The following CAMKMT variants were observed in gnomAD, a reference collection of about 807,000 sequenced individuals.
CAMKMT encodes CaM KMT.
A neutral mutation model predicts 48.0 loss-of-function variants in CAMKMT; 53 were observed. The ratio of observed to expected loss-of-function variants is 1.10; its 90% CI spans 0.89 to 1.39. The LOEUF (loss-of-function observed/expected upper bound fraction) is 1.39, where lower values mean the gene tolerates loss of function less well. Ranked by LOEUF, CAMKMT falls within the 40% of genes most tolerant of loss-of-function variation. The pLI is 0.00. For missense variants in CAMKMT, 428 were observed against 402.7 expected (o/e 1.06, Z -0.54); for synonymous variants, 165 against 152.3 (o/e 1.08, Z -0.61).
chr2:44,554,204 G>C (rs1472689783), intron 3 of CAMKMT, among the ~76,000 whole-genome samples: 2 of 152,162 alleles, frequency 1.3e-5, no homozygotes, highest in African/African-American at 4.8e-5. Context: ...TTATACCTTT[G>C]AGAAGCTGAC....
intron 3 of CAMKMT, among the ~76,000 whole-genome samples, chr2:44,665,640 T>C (rs945888000): frequency 3.9e-5 from 6 of 152,194 alleles, no homozygotes; most frequent in African/African-American, 1.2e-4. Context: ...TACTGTGATT[T>C]GGGTACATTT....
At chr2:44,569,651 T>G (rs1438706498) in intron 3 of CAMKMT, among the ~76,000 whole-genome samples, 1 of 152,218 alleles carries the variant, frequency 6.6e-6, no homozygotes, top group Admixed American at 6.5e-5. Context: ...GCATGATAGA[T>G]GGAAGTTAGA....
intron 2 of CAMKMT, among the ~76,000 whole-genome samples, chr2:44,377,770 T>G (rs1362487561): frequency 6.6e-6 from 1 of 152,206 alleles, no homozygotes; most frequent in African/African-American, 2.4e-5. Context: ...AAGTCAAGAA[T>G]GACTTTGTCT....
At chr2:44,368,157 C>T (rs1049588477) in intron 1 of CAMKMT, among the ~76,000 whole-genome samples, 2 of 152,132 alleles carry the variant, frequency 1.3e-5, no homozygotes, top group Non-Finnish European at 2.9e-5. Flanking sequence ...CTAAATAGCT[C>T]ATTGACTTAC....
chr2:44,577,966 A>G (rs1669326459), intron 3 of CAMKMT, among the ~76,000 whole-genome samples: 1 of 152,136 alleles, frequency 6.6e-6, no homozygotes, highest in Non-Finnish European at 1.5e-5. Flanking sequence ...CTTCATCCAA[A>G]AAGTATAAAA....
At chr2:44,537,088 A>G (rs1666817314) in intron 3 of CAMKMT, among the ~76,000 whole-genome samples, 1 of 152,230 alleles carries the variant, frequency 6.6e-6, no homozygotes, top group African/African-American at 2.4e-5. Flanking sequence ...GAAACAGTTT[A>G]GGACACTGGT....
intron 3 of CAMKMT, among the ~76,000 whole-genome samples, chr2:44,527,294 ATATACATATATTATTATATAT>A (rs1666179624): frequency 6.9e-6 from 1 of 144,232 alleles, no homozygotes; most frequent in East Asian, 2.0e-4. Flanking sequence ...TATATATATA[ATATACATATATTATTATATAT>A]TATACATATA....
chr2:44,375,264 TCC>T (rs1679568209), intron 2 of CAMKMT, among the ~76,000 whole-genome samples: 2 of 151,780 alleles, frequency 1.3e-5, no homozygotes, highest in Non-Finnish European at 2.9e-5. Flanking sequence ...ACTCTCATCT[TCC>T]TCTATATTTT....
In CAMKMT at chr2:44,584,169, C is replaced by G. The variant is rs550778158; in HGVS notation, c.377-120114C>G. On this transcript the variant is annotated intron_variant, in intron 3 of 10. Transcript: ENST00000378494. ...TCAGCCTGATGTTTCTGAGATCCAT[C>G]CATGTTCTTATGTGTATCACTGGTG... Among the ~76,000 whole-genome samples the G allele has an allele frequency of 1.1e-3, 169 of 152,280 alleles. 1 individual carries two copies. The highest frequency in any genetic ancestry group is 4.0e-3 in the African/African-American group (166 of 41,554).
intron 3 of CAMKMT, among the ~76,000 whole-genome samples, chr2:44,390,969 C>T (rs1036089829): frequency 6.6e-6 from 1 of 152,106 alleles, no homozygotes; most frequent in African/African-American, 2.4e-5. Flanking sequence ...AAACAGCATA[C>T]CATCATAGGA....
At chr2:44,762,210 G>A (rs1420735151) in intron 9 of CAMKMT, among the ~76,000 whole-genome samples, 1 of 152,192 alleles carries the variant, frequency 6.6e-6, no homozygotes, top group African/African-American at 2.4e-5. Flanking sequence ...AAAATAGGCT[G>A]GACACAGTGG....
intron 3 of CAMKMT, among the ~76,000 whole-genome samples, chr2:44,424,105 G>C (rs1201562197): frequency 6.6e-6 from 1 of 152,018 alleles, no homozygotes; most frequent in Non-Finnish European, 1.5e-5. Context: ...ATCTTACACA[G>C]CTTTCTTTTC....
At chr2:44,501,084 C>T (rs1256959186) in intron 3 of CAMKMT, among the ~76,000 whole-genome samples, 1 of 150,174 alleles carries the variant, frequency 6.7e-6, no homozygotes, top group Non-Finnish European at 1.5e-5. Flanking sequence ...TTCCTGGAGA[C>T]TTGTACTTAG....
chr2:44,599,066 TCTGTGGATGTTGAC>T (rs1359535578), intron 3 of CAMKMT, among the ~76,000 whole-genome samples: 3 of 152,112 alleles, frequency 2.0e-5, no homozygotes, highest in African/African-American at 7.3e-5. Context: ...TCCTATATTT[TCTGTGGATGTTGAC>T]ACATGTAAGT....
intron 8 of CAMKMT, among the ~76,000 whole-genome samples, chr2:44,753,531 GT>G (rs1680244438): frequency 6.6e-6 from 1 of 152,112 alleles, no homozygotes; most frequent in Non-Finnish European, 1.5e-5. Flanking sequence ...ATTGTTCTTT[GT>G]TTTTGTAGCT....
chr2:44,566,661 G>C (rs755338930), intron 3 of CAMKMT, among the ~76,000 whole-genome samples: 44 of 152,118 alleles, frequency 2.9e-4, no homozygotes, highest in Non-Finnish European at 2.5e-4. Flanking sequence ...ATTAGCCATA[G>C]GAAGGAGGTT....
chr2:44,415,523 G>C (rs184787193), intron 3 of CAMKMT, among the ~76,000 whole-genome samples: 1 of 152,146 alleles, frequency 6.6e-6, no homozygotes, highest in African/African-American at 2.4e-5. Context: ...GAATAAATTA[G>C]TGGCAATAAT....
At chr2:44,665,567 T>C (rs1283900805) in intron 3 of CAMKMT, among the ~76,000 whole-genome samples, 1 of 152,200 alleles carries the variant, frequency 6.6e-6, no homozygotes, top group Non-Finnish European at 1.5e-5. Flanking sequence ...ACTTCTGAAC[T>C]TCCTGGATGG....
intron 3 of CAMKMT, among the ~76,000 whole-genome samples, chr2:44,665,140 G>A (rs1014477084): frequency 3.9e-5 from 6 of 151,980 alleles, no homozygotes; most frequent in African/African-American, 1.5e-4. Flanking sequence ...GTGCGATCTC[G>A]GCTCACTGCA....
Sources: gnomAD v4.1 joint callset for allele counts (sites outside exome capture counted in the v4.1 genomes callset) on GRCh38, gnomAD v4.1.1 for gene constraint, MANE v1.5 for transcripts, NCBI Gene and HGNC (gene_info 2026-07-23, HGNC 2026-07-21) for gene names.